CACNB2: variants seen among roughly 807,000 people sequenced by gnomAD.
CACNB2 encodes voltage-dependent L-type calcium channel subunit beta-2.
A neutral mutation model predicts 73.3 loss-of-function variants in CACNB2; 42 were observed. The observed-to-expected ratio is 0.57, with a 90% CI of 0.45 to 0.74. The LOEUF is 0.74. Among genes scored for constraint, CACNB2 ranks in the 30% least tolerant of loss-of-function variants. CACNB2 has a pLI of 0.00. For missense variants in CACNB2, 940 were observed against 853.0 expected (o/e 1.10, Z -1.27); for synonymous variants, 348 against 310.3 (o/e 1.12, Z -1.28).
intron 2 of CACNB2, among the ~76,000 whole-genome samples, chr10:18,217,727 G>A (rs1035209353): frequency 2.6e-5 from 4 of 151,540 alleles, no homozygotes; most frequent in East Asian, 3.9e-4. Context: ...CAGCCATTGC[G>A]AAGGCCTAAA....
chr10:18,364,177 C>T (rs975189077), intron 2 of CACNB2, among the ~76,000 whole-genome samples: 17 of 151,938 alleles, frequency 1.1e-4, no homozygotes, highest in Admixed American at 1.1e-3. Context: ...AACTCCTGAC[C>T]TCAGGTGATC....
intron 2 of CACNB2, among the ~76,000 whole-genome samples, chr10:18,269,486 T>C (rs192965276): frequency 1.8e-4 from 27 of 152,266 alleles, no homozygotes; most frequent in Non-Finnish European, 3.1e-4. Flanking sequence ...GAGAAGCTGG[T>C]GAATGGTAAC....
At chr10:18,238,137 A>G (rs2036519534) in intron 2 of CACNB2, among the ~76,000 whole-genome samples, 1 of 152,164 alleles carries the variant, frequency 6.6e-6, no homozygotes, top group Non-Finnish European at 1.5e-5. Context: ...TCCCGCTTGC[A>G]TTTGGCATGT....
intron 3 of CACNB2, among the ~76,000 whole-genome samples, chr10:18,459,327 A>G (rs1209701488): frequency 6.6e-6 from 1 of 152,090 alleles, no homozygotes; most frequent in Non-Finnish European, 1.5e-5. Flanking sequence ...AAATATCACT[A>G]TCCTTTGGAA....
At chr10:18,182,520 A>T (rs1158298060) in intron 2 of CACNB2, among the ~76,000 whole-genome samples, 1 of 80,480 alleles carries the variant, frequency 1.2e-5, no homozygotes, top group Non-Finnish European at 2.7e-5. Flanking sequence ...GAAGAAGATT[A>T]AAAAAAAAAA....
Position 18,540,180 on chromosome 10 carries a change from T to G in CACNB2, c.*456T>G. On this transcript the variant is annotated 3_prime_UTR_variant, in exon 14 of 14. Transcript: ENST00000324631. ...TGGACCACTGTTTCTTGCTTGTACC[T>G]CTGGCTGACTAAATTTGGGGACAGA... The G allele has an allele frequency of 5.4e-6, 1 of 183,968 alleles. No individual in the cohort carries two copies. The highest frequency in any genetic ancestry group is 1.1e-5 in the Non-Finnish European group (1 of 87,422). The allele number at this position is 183,968 out of a possible 1,614,324, so 11.4% of individuals were successfully genotyped here. A position where few individuals can be genotyped will look rare whatever the true frequency, so the allele number is the denominator to read the frequency against.
In CACNB2 at chr10:18,289,320, G is replaced by T. The variant is rs570011330; in HGVS notation, c.214-112604G>T. Among the ~76,000 whole-genome samples, 411 of 122,800 alleles carry T rather than the reference G, an allele frequency of 3.3e-3. 7 individuals are homozygous for T. The highest frequency in any genetic ancestry group is 0.014 in the African/African-American group (379 of 27,530). The allele number at this position is 122,800 out of a possible 152,430, so 80.6% of individuals were successfully genotyped here. On this transcript the variant is annotated intron_variant, in intron 2 of 13. Transcript: ENST00000324631. The stretch of plus-strand genomic sequence containing the variant: ...TTGTTTTTTTTTTTTTTTGAGATGG[G>T]GTCTCACTCTGTTGCCCAGGCTGGA...
chr10:18,180,511 G>A (rs184962278), intron 2 of CACNB2, among the ~76,000 whole-genome samples: 53 of 150,822 alleles, frequency 3.5e-4, no homozygotes, highest in African/African-American at 1.2e-3. Context: ...ATCCTGTTGC[G>A]TCGCAGAGGT....
chr10:18,488,474 C>CAAAAAAAAA (rs59931967), intron 3 of CACNB2, among the ~76,000 whole-genome samples: 19 of 67,960 alleles, frequency 2.8e-4, no homozygotes, highest in African/African-American at 7.4e-4. Flanking sequence ...GACTCCATCT[C>CAAAAAAAAA]AAAAAAAAAA....
intron 3 of CACNB2, among the ~76,000 whole-genome samples, chr10:18,447,847 T>C (rs1041807339): frequency 2.6e-5 from 4 of 152,172 alleles, no homozygotes; most frequent in African/African-American, 9.6e-5. Flanking sequence ...AAAAAATCTT[T>C]ACATTTTGCT....
chr10:18,228,082 AC>A (rs1444667494), intron 2 of CACNB2, among the ~76,000 whole-genome samples: 1 of 152,018 alleles, frequency 6.6e-6, no homozygotes, highest in Non-Finnish European at 1.5e-5. Context: ...ACAAATGAAA[AC>A]CTCACCCTCA....
rs777614088 is a variant in CACNB2 at position 18,514,488 on chromosome 10, G to T, written c.804+119G>T. On this transcript the variant is annotated intron_variant, in intron 7 of 13. Transcript: ENST00000324631. ...CAATAACGTGCATGCTCTGTTATTTGTTTCTTTTCCATGCTGCTGTAGCTA... is the reference window on the plus strand; with the variant it reads ...CAATAACGTGCATGCTCTGTTATTTTTTTCTTTTCCATGCTGCTGTAGCTA... 2.5e-6 allele frequency: 4 copies of T among 1,614,024 alleles called. No individual in the cohort carries two copies. The Admixed American group carries it at 6.7e-5, about 27-fold the overall frequency.
At chr10:18,264,911 T>C (rs1348228249) in intron 2 of CACNB2, among the ~76,000 whole-genome samples, 1 of 152,168 alleles carries the variant, frequency 6.6e-6, no homozygotes, top group Non-Finnish European at 1.5e-5. Flanking sequence ...TGCCAAGTCA[T>C]AGGGTACAGT....
chr10:18,453,055 G>C (rs780252714), intron 3 of CACNB2, among the ~76,000 whole-genome samples: 1 of 152,158 alleles, frequency 6.6e-6, no homozygotes, highest in Non-Finnish European at 1.5e-5. Flanking sequence ...CTGCTCAGAT[G>C]ATCTGTACTG....
At chr10:18,260,276 A>C (rs187356677) in intron 2 of CACNB2, 276 of 222,998 alleles carry the variant, frequency 1.2e-3, no homozygotes, top group Middle Eastern at 2.2e-3. Context: ...GCTTACAAAG[A>C]ATATTGACTT....
chr10:18,457,216 G>A (rs2047328534), intron 3 of CACNB2, among the ~76,000 whole-genome samples: 1 of 152,084 alleles, frequency 6.6e-6, no homozygotes, highest in South Asian at 2.1e-4. Flanking sequence ...TCAGCTTCCT[G>A]GGTAACCAGG....
At chr10:18,269,134 G>A (rs1036523633) in intron 2 of CACNB2, among the ~76,000 whole-genome samples, 6 of 152,276 alleles carry the variant, frequency 3.9e-5, no homozygotes, top group Admixed American at 2.6e-4. Context: ...GTACACCTTC[G>A]TTGCTGGCAG....
chr10:18,146,062 C>T (rs962705677), intron 1 of CACNB2, among the ~76,000 whole-genome samples: 1 of 151,972 alleles, frequency 6.6e-6, no homozygotes, highest in Non-Finnish European at 1.5e-5. Context: ...GTGAACTGAG[C>T]CATATTATAA....
At chr10:18,141,779 A>C (rs925693154) in intron 1 of CACNB2, among the ~76,000 whole-genome samples, 11 of 152,220 alleles carry the variant, frequency 7.2e-5, no homozygotes, top group African/African-American at 2.7e-4. Context: ...AAATGACTTC[A>C]GACTCCTAGC....
Sources: allele counts gnomAD v4.1 joint callset (sites outside exome capture counted in the v4.1 genomes callset), GRCh38; gene constraint gnomAD v4.1.1; transcripts MANE v1.5; gene names NCBI Gene and HGNC (gene_info 2026-07-23, HGNC 2026-07-21).